AKAP12: variants seen among roughly 807,000 people sequenced by gnomAD.
AKAP12 encodes the protein A-kinase anchor protein 12.
In AKAP12, 32 loss-of-function variants were observed where a neutral mutation model predicts 79.9. The observed-to-expected ratio is 0.40, with a 90% confidence interval of 0.30 to 0.54. The LOEUF is 0.54. Ranked by LOEUF, AKAP12 falls within the 20% of genes least tolerant of loss-of-function variation. The pLI, the probability that AKAP12 is intolerant of heterozygous loss-of-function variation, is 0.48. For synonymous variants in AKAP12, 808 were observed against 857.0 expected (o/e 0.94, Z 1.00); for missense variants, 2,074 against 2,177.0 (o/e 0.95, Z 0.94).
At chr6:151,308,832 T>G (rs1401890170) in intron 3 of AKAP12, among the ~76,000 whole-genome samples, 3 of 152,184 alleles carry the variant, frequency 2.0e-5, no homozygotes, top group Non-Finnish European at 4.4e-5. Context: ...TTAAACAGCA[T>G]TTTTCCGTGC....
intron 3 of AKAP12, among the ~76,000 whole-genome samples, chr6:151,323,458 C>T (rs879432277): frequency 6.6e-6 from 1 of 151,590 alleles, no homozygotes; most frequent in Non-Finnish European, 1.5e-5. Context: ...GAGGCTGAGG[C>T]AGGAGAATCA....
intron 4 of AKAP12, among the ~76,000 whole-genome samples, chr6:151,354,069 G>T (rs1410828594): frequency 2.0e-5 from 3 of 151,558 alleles, no homozygotes; most frequent in Admixed American, 2.0e-4. Flanking sequence ...AATACATTGT[G>T]TTCACTCAAC....
rs1562755987 is a variant in AKAP12 at position 151,352,463 on chromosome 6, C to A, written c.4072C>A (p.Leu1358Ile). 21 of 1,614,190 alleles carry A rather than the reference C, an allele frequency of 1.3e-5. No homozygotes were observed. Among genetic ancestry groups the A allele is most frequent in the Non-Finnish European group, 1.8e-5 (21 of 1,180,038 alleles). Reference sequence around the variant, plus strand: ...GCCAACCCATGTGAATGAAGAGAAGCTTGAGCACGAAACAGCTGTTACCGT... The same window carrying A: ...GCCAACCCATGTGAATGAAGAGAAGATTGAGCACGAAACAGCTGTTACCGT... ...AEPTHVNEEK[L>I]EHETAVTVSE... The change falls in exon 4 of 5, where the codon CTT becomes ATT. Residue 1358 changes from leucine to isoleucine, a missense_variant. Coordinates refer to ENST00000402676, the MANE Select transcript of AKAP12 (RefSeq NM_005100.4).
intron 2 of AKAP12, among the ~76,000 whole-genome samples, chr6:151,280,946 A>AGAGAATTACCATTTCT (rs1305316512): frequency 2.0e-5 from 3 of 152,202 alleles, no homozygotes; most frequent in Non-Finnish European, 4.4e-5. Context: ...GCTTTCACTT[A>AGAGAATTACCATTTCT]GAGAATTACC....
chr6:151,337,312 C>T (rs548112084), intron 3 of AKAP12, among the ~76,000 whole-genome samples: 2 of 151,412 alleles, frequency 1.3e-5, no homozygotes, highest in African/African-American at 4.9e-5. Context: ...CGAGACCAGT[C>T]TCTACAGTTT....
chr6:151,350,517 G>A lies in AKAP12; in HGVS notation c.2126G>A (p.Gly709Glu), dbSNP rs768389977. The A allele has an allele frequency of 1.9e-5, 31 of 1,613,960 alleles. No homozygotes were observed. Among genetic ancestry groups the A allele is most frequent in the Non-Finnish European group, 2.5e-5 (30 of 1,180,030 alleles). The change falls in exon 4 of 5, where the codon GGA (glycine) becomes GAA (glutamate). Residue 709 changes from glycine to glutamate, a missense_variant. Gly to Glu is a moderately conservative substitution (Grantham distance 98). Around this residue, in one of 3 missense-constraint regions of AKAP12, gnomAD observed 1,428 missense variants for 1,451.0 expected, o/e 0.98. Transcript: ENST00000402676. This position sits in a 1 kb window ranked among gnomAD's most constrained non-coding sequence, Gnocchi z 4.8. Reference sequence around the variant, plus strand: ...GAAGGGGGACCAAAAGCAATGGGAGGAGACCACCAGAAAGCTGATGAGGCC... The same window carrying A: ...GAAGGGGGACCAAAAGCAATGGGAGAAGACCACCAGAAAGCTGATGAGGCC... Reference protein sequence around the residue: ...DEEGGPKAMGGDHQKADEAGK... With the variant: ...DEEGGPKAMGEDHQKADEAGK...
chr6:151,321,638 G>A (rs1483092151), intron 3 of AKAP12, among the ~76,000 whole-genome samples: 1 of 152,072 alleles, frequency 6.6e-6, no homozygotes, highest in African/African-American at 2.4e-5. Flanking sequence ...ATATTATGCT[G>A]TAATGAACAT....
intron 2 of AKAP12, among the ~76,000 whole-genome samples, chr6:151,256,852 T>C (rs1442871994): frequency 2.0e-5 from 3 of 151,454 alleles, no homozygotes; most frequent in Non-Finnish European, 2.9e-5. Context: ...TTTTACCATA[T>C]TGGCCAGGCT....
chr6:151,312,473 C>T (rs1185181979), intron 3 of AKAP12, among the ~76,000 whole-genome samples: 1 of 151,064 alleles, frequency 6.6e-6, no homozygotes. Flanking sequence ...GAGACCCTGT[C>T]TCAAAAAATA....
intron 2 of AKAP12, among the ~76,000 whole-genome samples, chr6:151,303,888 G>A (rs925406442): frequency 1.3e-5 from 2 of 152,032 alleles, no homozygotes; most frequent in Non-Finnish European, 2.9e-5. Flanking sequence ...TCTTTATGTT[G>A]AGAGCCTCAA....
intron 3 of AKAP12, chr6:151,343,802 A>G: frequency 3.4e-6 from 1 of 295,828 alleles, no homozygotes; most frequent in Non-Finnish European, 6.5e-6. Flanking sequence ...AAAAAAGAAA[A>G]AAGAAATAGT....
intron 2 of AKAP12, among the ~76,000 whole-genome samples, chr6:151,285,005 A>T (rs1266612632): frequency 6.6e-6 from 1 of 152,242 alleles, no homozygotes; most frequent in Non-Finnish European, 1.5e-5. Context: ...TGCAAGATGC[A>T]GTATGAGCAT....
chr6:151,283,056 T>C (rs1776438410), intron 2 of AKAP12, among the ~76,000 whole-genome samples: 1 of 152,102 alleles, frequency 6.6e-6, no homozygotes, highest in Admixed American at 6.6e-5. Context: ...TGAAAGTGGG[T>C]AGCAGGAGAT....
intron 2 of AKAP12, among the ~76,000 whole-genome samples, chr6:151,303,178 G>A (rs1454148462): frequency 2.0e-5 from 3 of 147,620 alleles, no homozygotes; most frequent in South Asian, 2.2e-4. Context: ...GGACAAGAGC[G>A]AAAATCCATC....
chr6:151,334,844 T>C (rs1460117173), intron 3 of AKAP12, among the ~76,000 whole-genome samples: 2 of 152,092 alleles, frequency 1.3e-5, no homozygotes, highest in South Asian at 2.1e-4. Flanking sequence ...AGGATGGTCT[T>C]GATCTCCTGA....
At chr6:151,277,873 T>C (rs1776314603) in intron 2 of AKAP12, among the ~76,000 whole-genome samples, 2 of 152,154 alleles carry the variant, frequency 1.3e-5, no homozygotes. Flanking sequence ...AAATACAGCA[T>C]TAATCATTGA....
Position 151,349,661 on chromosome 6 carries a change from G to C in AKAP12, c.1270G>C (p.Val424Leu), listed in dbSNP as rs568033766. The C allele has an allele frequency of 6.2e-7, 1 of 1,614,082 alleles. No homozygotes were observed. The highest frequency in any genetic ancestry group is 1.7e-5 in the Admixed American group (1 of 60,010). ...TGTGGCCGAAGTCCACGTCAGCACC[G>C]TGGAGGAGAGAACCGAAGAGCAGAA... is the stretch of plus-strand genomic sequence containing the variant. ...EVVAEVHVST[V>L]EERTEEQKTE... The change falls in exon 4 of 5, where the codon GTG becomes CTG. Residue 424 changes from valine (V) to leucine (L), a missense_variant. Val to Leu is a conservative substitution (Grantham distance 32). Coordinates refer to ENST00000402676, the MANE Select transcript of AKAP12 (RefSeq NM_005100.4).
intron 3 of AKAP12, among the ~76,000 whole-genome samples, chr6:151,323,273 G>A (rs114165367): frequency 0.014 from 2,194 of 152,286 alleles, 45 homozygotes; most frequent in African/African-American, 0.049. Context: ...AAATCAGGCC[G>A]GACGCAGTGG....
intron 2 of AKAP12, among the ~76,000 whole-genome samples, chr6:151,286,841 A>T (rs1234119543): frequency 6.6e-6 from 1 of 152,262 alleles, no homozygotes; most frequent in Non-Finnish European, 1.5e-5. Flanking sequence ...TTTACAAAAC[A>T]AAACAAGTCA....
Sources: gnomAD v4.1 joint callset for allele counts (sites outside exome capture counted in the v4.1 genomes callset) on GRCh38, gnomAD v4.1.1 for gene constraint, gnomAD v4.1.1 regional missense constraint, Gnocchi (gnomAD v3.1) non-coding constraint, MANE v1.5 for transcripts, NCBI Gene and HGNC (gene_info 2026-07-23, HGNC 2026-07-21) for gene names.